Variants in RNF217 observed in about 807,000 individuals in gnomAD.
The protein encoded by RNF217 is ring finger protein 217, also known as E3 ubiquitin-protein ligase RNF217.
In RNF217, 31 loss-of-function variants were observed where a neutral mutation model predicts 57.8. That is an observed-to-expected ratio of 0.54 (90% CI 0.40 to 0.72). The LOEUF (loss-of-function observed/expected upper bound fraction) is 0.72. Among genes scored for constraint, RNF217 ranks in the 30% least tolerant of loss-of-function variants. The probability of loss-of-function intolerance (pLI) is 0.00; values close to 1 mark genes in which losing one functional copy is unlikely to be tolerated. For synonymous variants in RNF217, 313 were observed against 294.0 expected (o/e 1.06, Z -0.66); for missense variants, 696 against 708.3 (o/e 0.98, Z 0.20).
intron 1 of RNF217, among the ~76,000 whole-genome samples, chr6:125,030,764 C>T (rs745541210): frequency 3.9e-5 from 6 of 152,226 alleles, no homozygotes; most frequent in Middle Eastern, 3.4e-3. Flanking sequence ...TCCAGGCACA[C>T]GGTGCAAGCT....
chr6:124,962,669 C>A lies in RNF217; in HGVS notation c.125C>A (p.Pro42Gln). The A allele has an allele frequency of 4.5e-6, 6 of 1,341,494 alleles. No individual in the cohort carries two copies. The highest frequency in any genetic ancestry group is 4.7e-6 in the Non-Finnish European group (5 of 1,057,778). 83.1% of individuals were successfully genotyped at this position (1,341,494 alleles called of 1,614,324 possible). A position where few individuals can be genotyped will look rare whatever the true frequency, so the allele number is the denominator to read the frequency against. ...RPQGDSARAP[P>Q]LRAASAEPSG... ...CAGGGGGACAGCGCCCGGGCGCCCC[C>A]GCTGCGCGCCGCCTCCGCGGAGCCG... Residue 42 changes from proline to glutamine, a missense_variant, in exon 1 of 6, where the codon CCG becomes CAG. Transcript: ENST00000521654. This position sits in a 1 kb window ranked among gnomAD's most constrained non-coding sequence, Gnocchi z 4.6.
At chr6:124,988,731 T>G (rs368426155) in intron 1 of RNF217, among the ~76,000 whole-genome samples, 1 of 152,244 alleles carries the variant, frequency 6.6e-6, no homozygotes, top group East Asian at 1.9e-4. Flanking sequence ...ACTTCTCTAA[T>G]TAAAGTTCTT....
chr6:125,039,500 G>T (rs1203177921), intron 1 of RNF217, among the ~76,000 whole-genome samples: 1 of 152,030 alleles, frequency 6.6e-6, no homozygotes, highest in Non-Finnish European at 1.5e-5. Context: ...CAATAATAAT[G>T]GGAGACTTTA....
At chr6:124,993,881 A>G (rs900531799) in intron 1 of RNF217, among the ~76,000 whole-genome samples, 8 of 152,192 alleles carry the variant, frequency 5.3e-5, no homozygotes, top group African/African-American at 1.4e-4. Flanking sequence ...GCTCAGTAGA[A>G]GCAGGAGATC....
chr6:125,012,922 A>G (rs1785463884), intron 1 of RNF217, among the ~76,000 whole-genome samples: 1 of 152,172 alleles, frequency 6.6e-6, no homozygotes, highest in Admixed American at 6.5e-5. Flanking sequence ...AACTTCTAGT[A>G]AAATATCTTT....
chr6:125,073,390 C>T (rs1788225446), intron 3 of RNF217, among the ~76,000 whole-genome samples: 1 of 152,164 alleles, frequency 6.6e-6, no homozygotes, highest in Non-Finnish European at 1.5e-5. Flanking sequence ...CCTTCACCTG[C>T]ACAGGCCCCT....
At chr6:125,055,478 T>C (rs1335695645) in intron 2 of RNF217, among the ~76,000 whole-genome samples, 2 of 152,222 alleles carry the variant, frequency 1.3e-5, no homozygotes, top group African/African-American at 4.8e-5. Flanking sequence ...ACAAATGTGA[T>C]AGTTCAGCAC....
At chr6:125,044,003 C>G (rs564424046) in intron 1 of RNF217, among the ~76,000 whole-genome samples, 1 of 152,112 alleles carries the variant, frequency 6.6e-6, no homozygotes, top group South Asian at 2.1e-4. Context: ...TCTTAACTAC[C>G]TTACCTCAAG....
At chr6:125,064,180 GCTGA>G (rs1003879857) in intron 3 of RNF217, among the ~76,000 whole-genome samples, 3 of 152,018 alleles carry the variant, frequency 2.0e-5, no homozygotes, top group South Asian at 4.1e-4. Context: ...ACATTCAGAG[GCTGA>G]CTACTTTCAA....
At chr6:125,026,413 A>C (rs796941409) in intron 1 of RNF217, among the ~76,000 whole-genome samples, 8 of 152,336 alleles carry the variant, frequency 5.3e-5, no homozygotes, top group African/African-American at 1.9e-4. Flanking sequence ...TGCCTGGCAC[A>C]TACTAAACGC....
intron 3 of RNF217, among the ~76,000 whole-genome samples, chr6:125,062,627 A>G (rs1211818979): frequency 2.0e-5 from 3 of 152,074 alleles, no homozygotes; most frequent in Non-Finnish European, 4.4e-5. Flanking sequence ...CCCGGGATGG[A>G]GTGCAGTGGT....
chr6:125,044,058 G>GT (rs34890554), intron 1 of RNF217, among the ~76,000 whole-genome samples: 38 of 149,190 alleles, frequency 2.5e-4, no homozygotes, highest in Admixed American at 9.3e-4. Context: ...TATGAATTTA[G>GT]TTTTTTTTTT....
In RNF217 at chr6:124,990,354, C is replaced by G. The variant is rs934053249; in HGVS notation, c.882+26928C>G. Among the ~76,000 whole-genome samples, 3 of 152,062 alleles carry G rather than the reference C, an allele frequency of 2.0e-5. No individual in the cohort carries two copies. The East Asian group carries it at 5.8e-4, about 29-fold the overall frequency. ...GCCACTGGCTTTCTAATTTATATCCCGAGCTCAGACAGTTTCATGGAACTC... is the reference window on the plus strand; with the variant it reads ...GCCACTGGCTTTCTAATTTATATCCGGAGCTCAGACAGTTTCATGGAACTC... On this transcript the variant is annotated intron_variant, in intron 1 of 5. Coordinates refer to ENST00000521654, the MANE Select transcript of RNF217 (RefSeq NM_001286398.3).
chr6:125,074,919 G>A (rs900907453), intron 3 of RNF217, among the ~76,000 whole-genome samples: 31 of 152,116 alleles, frequency 2.0e-4, no homozygotes, highest in Admixed American at 5.9e-4. Flanking sequence ...CTCTAGTCCC[G>A]AAACAACACA....
chr6:125,082,604 AAAG>A, intron 5 of RNF217: 1 of 1,584,536 alleles, frequency 6.3e-7, no homozygotes, highest in Non-Finnish European at 8.6e-7. Context: ...TGTGGACAAT[AAAG>A]AAGATTTAAA....
chr6:125,045,515 G>C (rs878900745), intron 2 of RNF217, 71 bp downstream of exon 2: 219 of 1,167,892 alleles, frequency 1.9e-4, no homozygotes, highest in South Asian at 1.2e-3. Flanking sequence ...TCCACTTGTC[G>C]TGGGCATTAA....
At chr6:125,009,341 C>T (rs1158591188) in intron 1 of RNF217, 6 of 1,115,306 alleles carry the variant, frequency 5.4e-6, no homozygotes, top group South Asian at 1.3e-5. Context: ...CTTGTAATCT[C>T]TTCAAAACAC....
intron 1 of RNF217, among the ~76,000 whole-genome samples, chr6:124,977,142 A>G (rs1783999840): frequency 6.6e-6 from 1 of 152,232 alleles, no homozygotes; most frequent in South Asian, 2.1e-4. Flanking sequence ...AGAGGGAGTT[A>G]TTAACTCTTT....
intron 4 of RNF217, among the ~76,000 whole-genome samples, chr6:125,077,181 T>C (rs1177803337): frequency 6.6e-6 from 1 of 152,056 alleles, no homozygotes; most frequent in African/African-American, 2.4e-5. Flanking sequence ...ATTTTTGTAA[T>C]GGACAATATC....
Sources: gnomAD v4.1 joint callset for allele counts (sites outside exome capture counted in the v4.1 genomes callset) on GRCh38, gnomAD v4.1.1 for gene constraint, Gnocchi (gnomAD v3.1) non-coding constraint, MANE v1.5 for transcripts, NCBI Gene and HGNC (gene_info 2026-07-23, HGNC 2026-07-21) for gene names.